The following TAOK1 variants were observed in gnomAD, a reference collection of about 807,000 sequenced individuals.
TAOK1 encodes serine/threonine-protein kinase TAO1.
In TAOK1, 21 loss-of-function variants were observed where a neutral mutation model predicts 138.3. The ratio of observed to expected loss-of-function variants is 0.15; its 90% CI spans 0.11 to 0.22. TAOK1 has a LOEUF of 0.22. Ranked by LOEUF, TAOK1 falls within the 10% of genes least tolerant of loss-of-function variation. TAOK1 has a pLI of 1.00. For synonymous variants in TAOK1, 361 were observed against 398.4 expected (o/e 0.91, Z 1.12); for missense variants, 651 against 1,227.7 (o/e 0.53, Z 7.02).
At chr17:29,520,480 C>T (rs1341072297) in intron 16 of TAOK1, among the ~76,000 whole-genome samples, 2 of 149,728 alleles carry the variant, frequency 1.3e-5, no homozygotes, top group Admixed American at 1.3e-4. Context: ...GTGGTGTGAT[C>T]TCGGCTCACT....
At chr17:29,532,822 G>A (rs1420133079) in intron 18 of TAOK1, among the ~76,000 whole-genome samples, 4 of 151,152 alleles carry the variant, frequency 2.6e-5, no homozygotes, top group Non-Finnish European at 4.4e-5. Flanking sequence ...CCACAAAACC[G>A]CCATTGTCAT....
intron 11 of TAOK1, 68 bp downstream of exon 11, chr17:29,495,795 C>G (rs1357333068): frequency 7.4e-7 from 1 of 1,350,382 alleles, no homozygotes; most frequent in Non-Finnish European, 9.7e-7. Flanking sequence ...TGCAGCTTGC[C>G]CTGCCATAAT....
intron 8 of TAOK1, among the ~76,000 whole-genome samples, chr17:29,487,403 T>C (rs1004260591): frequency 1.3e-5 from 2 of 152,176 alleles, no homozygotes; most frequent in African/African-American, 4.8e-5. Context: ...GTATTCAATA[T>C]ACATCATGTA....
rs771212064 is a variant in TAOK1 at position 29,404,572 on chromosome 17, G to A, written c.-95+13548G>A. 6.6e-5 allele frequency among the ~76,000 whole-genome samples: 10 copies of A among 152,144 alleles called. 1 individual carries two copies. The highest frequency in any genetic ancestry group is 1.0e-4 in the Non-Finnish European group (7 of 68,026). On this transcript the variant is annotated intron_variant, in intron 1 of 19. Transcript: ENST00000261716. ...TTTGGGAGACTGAGACAAGGGGATC[G>A]CTTGAGCCCAGGAACTCAAGACCAG...
chr17:29,535,872 C>A (rs1164795605), intron 19 of TAOK1, among the ~76,000 whole-genome samples: 1 of 151,480 alleles, frequency 6.6e-6, no homozygotes, highest in African/African-American at 2.4e-5. Flanking sequence ...CAAAAAAAAT[C>A]TTTAAAAAAA....
At chr17:29,436,234 A>G (rs1906026999) in intron 1 of TAOK1, among the ~76,000 whole-genome samples, 1 of 152,238 alleles carries the variant, frequency 6.6e-6, no homozygotes, top group Non-Finnish European at 1.5e-5. Flanking sequence ...GGAGAGAAAC[A>G]TAACATGCTC....
intron 12 of TAOK1, among the ~76,000 whole-genome samples, chr17:29,500,518 G>A (rs866680063): frequency 3.3e-5 from 5 of 151,984 alleles, no homozygotes; most frequent in African/African-American, 4.8e-5. Flanking sequence ...CGAGGCAGGC[G>A]GATCATGAGG....
At chr17:29,482,520 TTTAA>T (rs1222423123) in intron 8 of TAOK1, among the ~76,000 whole-genome samples, 3 of 152,150 alleles carry the variant, frequency 2.0e-5, no homozygotes, top group Non-Finnish European at 4.4e-5. Flanking sequence ...CCACTGTGGT[TTTAA>T]TTAAGTTTGA....
At chr17:29,486,316 G>T (rs918023023) in intron 8 of TAOK1, among the ~76,000 whole-genome samples, 1 of 152,012 alleles carries the variant, frequency 6.6e-6, no homozygotes, top group Admixed American at 6.6e-5. Flanking sequence ...TTTAGTAGTA[G>T]CTTATAAAAA....
At chr17:29,453,720 G>T (rs58274477) in intron 2 of TAOK1, among the ~76,000 whole-genome samples, 5,553 of 151,874 alleles carry the variant, frequency 0.037, 312 homozygotes, top group African/African-American at 0.13. Context: ...GGGATTACAG[G>T]TGCATGCCAC....
chr17:29,512,363 G>A (rs2031737511), intron 15 of TAOK1: 1 of 133,834 alleles, frequency 7.5e-6, no homozygotes, highest in Non-Finnish European at 1.7e-5. Flanking sequence ...CCCGGCTCTT[G>A]TGCTGCTTTT....
intron 1 of TAOK1, among the ~76,000 whole-genome samples, chr17:29,448,308 T>C (rs2030147439): frequency 6.6e-6 from 1 of 152,176 alleles, no homozygotes; most frequent in Non-Finnish European, 1.5e-5. Flanking sequence ...TTTTATCAAA[T>C]CAATCTTTTT....
At chr17:29,530,782 A>T (rs2032087357) in intron 18 of TAOK1, 163 bp downstream of exon 18, 2 of 646,002 alleles carry the variant, frequency 3.1e-6, no homozygotes, top group African/African-American at 3.7e-5. Flanking sequence ...CATTGCTTGA[A>T]AATGTCATGA....
intron 16 of TAOK1, among the ~76,000 whole-genome samples, chr17:29,517,915 G>A (rs905592324): frequency 3.3e-5 from 5 of 151,932 alleles, no homozygotes; most frequent in Non-Finnish European, 7.4e-5. Flanking sequence ...GAGTGCAGTG[G>A]CTCCATCTTG....
At chr17:29,415,988 C>T (rs1284738602) in intron 1 of TAOK1, among the ~76,000 whole-genome samples, 1 of 152,090 alleles carries the variant, frequency 6.6e-6, no homozygotes, top group Non-Finnish European at 1.5e-5. Flanking sequence ...TTTGCTGGGG[C>T]GTGGTGCCTC....
intron 18 of TAOK1, among the ~76,000 whole-genome samples, chr17:29,531,681 T>C (rs1182032345): frequency 6.6e-6 from 1 of 151,006 alleles, no homozygotes; most frequent in African/African-American, 2.4e-5. Context: ...GAGAATCACC[T>C]GAACCCCGGG....
At chr17:29,404,846 A>G (rs1199428696) in intron 1 of TAOK1, among the ~76,000 whole-genome samples, 1 of 152,180 alleles carries the variant, frequency 6.6e-6, no homozygotes, top group East Asian at 1.9e-4. Context: ...GTTAAAATAC[A>G]CTACCATTCT....
chr17:29,542,359 TCTGCA>T lies in TAOK1; in HGVS notation c.2545-201_2545-197del, dbSNP rs1041783736. 2.0e-5 allele frequency among the ~76,000 whole-genome samples: 3 copies of T among 152,102 alleles called. No individual in the cohort carries two copies. The East Asian group carries it at 5.8e-4, about 29-fold the overall frequency. ...ACGCAATATGTGCATGTAAAAAAAA[TCTGCA>T]GTTGTACCCCCGAATATATAAAAAC... On this transcript the variant is annotated intron_variant, in intron 19 of 19. Transcript: ENST00000261716.
chr17:29,517,913 T>C lies in TAOK1; in HGVS notation c.1908+257T>C, dbSNP rs1296890663. On this transcript the variant is annotated intron_variant, in intron 16 of 19. Transcript: ENST00000261716. ...CCATGTCGCCAAGTATGGAGTGCAGTGGCTCCATCTTGGCTCAGTGCAACC... is the reference window on the plus strand; with the variant it reads ...CCATGTCGCCAAGTATGGAGTGCAGCGGCTCCATCTTGGCTCAGTGCAACC... Among the ~76,000 whole-genome samples, 6 of 152,292 alleles carry C rather than the reference T, an allele frequency of 3.9e-5. No homozygotes were observed. In the East Asian group the frequency reaches 1.2e-3, roughly 29 times the overall value.
Sources: gnomAD v4.1 joint callset for allele counts (sites outside exome capture counted in the v4.1 genomes callset) on GRCh38, gnomAD v4.1.1 for gene constraint, MANE v1.5 for transcripts, NCBI Gene and HGNC (gene_info 2026-07-23, HGNC 2026-07-21) for gene names.